NDST4: variants seen among roughly 807,000 people sequenced by gnomAD.
NDST4 encodes N-deacetylase and N-sulfotransferase 4.
NDST4 carries 63 observed loss-of-function variants against 100.8 expected under a neutral mutation model. The ratio of observed to expected loss-of-function variants is 0.62; its 90% CI spans 0.51 to 0.77. The LOEUF is 0.77. NDST4 is among the 30% of genes least tolerant of loss of function. The pLI is 0.00. For synonymous variants in NDST4, 377 were observed against 361.8 expected (o/e 1.04, Z -0.48); for missense variants, 943 against 1,018.4 (o/e 0.93, Z 1.01).
intron 2 of NDST4, among the ~76,000 whole-genome samples, chr4:114,979,828 T>G (rs1726725591): frequency 6.6e-6 from 1 of 152,040 alleles, no homozygotes; most frequent in South Asian, 2.1e-4. Flanking sequence ...TGACAAATTC[T>G]ATAAGTAAAA....
At position 114,833,565 on chromosome 4, in the gene NDST4, G is replaced by T. The variant is rs75080523; in HGVS notation, c.2396+41C>A. 3,414 of 1,308,114 alleles carry T rather than the reference G, an allele frequency of 2.6e-3. 82 individuals are homozygous for T. In the African/African-American group the frequency reaches 0.045, roughly 17 times the overall value. The allele number at this position is 1,308,114 out of a possible 1,614,324, so 81.0% of individuals were successfully genotyped here. A position where few individuals can be genotyped will look rare whatever the true frequency, so the allele number is the denominator to read the frequency against. ...CACCTACCAGTGATAATTTATGATG[G>T]CAAATAATGGAAATGAAATCAAGCA... On this transcript the variant is annotated intron_variant, in intron 12 of 13. Coordinates refer to ENST00000264363, the MANE Select transcript of NDST4 (RefSeq NM_022569.3).
At chr4:114,952,330 A>G (rs922494183) in intron 4 of NDST4, among the ~76,000 whole-genome samples, 4 of 152,104 alleles carry the variant, frequency 2.6e-5, no homozygotes, top group Admixed American at 2.0e-4. Flanking sequence ...GTGTTCAGAA[A>G]CAAAACAGCT....
At chr4:114,978,651 C>A (rs943966355) in intron 2 of NDST4, among the ~76,000 whole-genome samples, 2 of 151,924 alleles carry the variant, frequency 1.3e-5, no homozygotes, top group Admixed American at 6.6e-5. Flanking sequence ...TGGAATACAG[C>A]CTTAAAATAA....
intron 4 of NDST4, among the ~76,000 whole-genome samples, chr4:114,959,394 A>G (rs1426825846): frequency 1.3e-5 from 2 of 152,326 alleles, no homozygotes; most frequent in Non-Finnish European, 2.9e-5. Context: ...ATTTGTAAAG[A>G]AAAAGAGGTT....
chr4:115,085,280 C>A (rs531931418), intron 1 of NDST4, among the ~76,000 whole-genome samples: 1 of 152,278 alleles, frequency 6.6e-6, no homozygotes, highest in South Asian at 2.1e-4. Context: ...AAGTACTTAA[C>A]TTACTTTTGA....
At chr4:114,986,795 T>TAC (rs1220923808) in intron 2 of NDST4, among the ~76,000 whole-genome samples, 981 of 16,268 alleles carry the variant, frequency 0.06, 47 homozygotes, top group South Asian at 0.18. Flanking sequence ...CAATTATACA[T>TAC]ATATATATAT....
intron 7 of NDST4, among the ~76,000 whole-genome samples, chr4:114,858,138 C>T (rs1026542943): frequency 4.6e-5 from 7 of 152,178 alleles, no homozygotes; most frequent in Non-Finnish European, 1.5e-5. Flanking sequence ...ACTGCCAGTG[C>T]TGAATATCTG....
intron 6 of NDST4, among the ~76,000 whole-genome samples, chr4:114,901,990 T>C (rs779663198): frequency 4.9e-4 from 74 of 152,190 alleles, no homozygotes; most frequent in South Asian, 1.0e-3. Context: ...GTTTGTGTTA[T>C]TTCAGTCATT....
intron 6 of NDST4, among the ~76,000 whole-genome samples, chr4:114,873,092 T>A (rs1724184797): frequency 6.6e-6 from 1 of 151,900 alleles, no homozygotes; most frequent in Non-Finnish European, 1.5e-5. Flanking sequence ...TGAAAGCTTT[T>A]AAGACAATGA....
chr4:114,952,276 T>C (rs1276438221), intron 4 of NDST4, among the ~76,000 whole-genome samples: 1 of 152,164 alleles, frequency 6.6e-6, no homozygotes, highest in Non-Finnish European at 1.5e-5. Context: ...TGCTTGATAC[T>C]GAAGTGTATT....
chr4:114,946,949 A>C (rs80258986), intron 4 of NDST4, among the ~76,000 whole-genome samples: 2,263 of 152,208 alleles, frequency 0.015, 65 homozygotes, highest in African/African-American at 0.051. Context: ...GTAATAACAG[A>C]AGTATGTGAA....
At chr4:114,912,677 A>G (rs956706336) in intron 6 of NDST4, among the ~76,000 whole-genome samples, 1 of 152,180 alleles carries the variant, frequency 6.6e-6, no homozygotes, top group African/African-American at 2.4e-5. Context: ...AAGTGGTCAC[A>G]ATTCTCTTAT....
chr4:114,879,067 T>C (rs537591941), intron 6 of NDST4, among the ~76,000 whole-genome samples: 4 of 152,244 alleles, frequency 2.6e-5, no homozygotes, highest in African/African-American at 9.6e-5. Context: ...AATAATTGTA[T>C]ATATTTATGA....
chr4:115,030,109 G>C (rs1481411270), intron 2 of NDST4, among the ~76,000 whole-genome samples: 1 of 152,096 alleles, frequency 6.6e-6, no homozygotes, highest in African/African-American at 2.4e-5. Context: ...GAGAATTCAT[G>C]AGCTACAGTG....
intron 2 of NDST4, among the ~76,000 whole-genome samples, chr4:114,980,139 A>ATGGATATAATT (rs1397298240): frequency 6.6e-6 from 1 of 152,194 alleles, no homozygotes; most frequent in Non-Finnish European, 1.5e-5. Flanking sequence ...CAAAAATAAT[A>ATGGATATAATT]TGGATATAAA....
rs1726659096 is a variant in NDST4 at position 114,977,216 on chromosome 4, A to G, written c.1037T>C (p.Leu346Pro). ...RTQVANFTFN[L>P]GFSGKFYHTG... The stretch of plus-strand genomic sequence containing the variant: ...GTGGTAAAACTTCCCTGAAAATCCA[A>G]GGTTGAAGGTAAAATTTGCAACCTG... The change falls in exon 3 of 14, where the codon CTT (leucine) becomes CCT (proline). Residue 346 changes from leucine (L) to proline (P), a missense_variant. Physicochemically the swap from Leu to Pro is moderately conservative, Grantham distance 98 (BLOSUM62 -3). Transcript: ENST00000264363. 6.2e-7 allele frequency: 1 copy of G among 1,610,292 alleles called. No individual in the cohort carries two copies. Among genetic ancestry groups the G allele is most frequent in the Non-Finnish European group, 8.5e-7 (1 of 1,177,676 alleles).
At chr4:114,935,005 A>G (rs964930832) in intron 6 of NDST4, 2 of 301,436 alleles carry the variant, frequency 6.6e-6, no homozygotes, top group African/African-American at 4.3e-5. Context: ...AAAAACCATG[A>G]CTTTGTAATG....
intron 1 of NDST4, among the ~76,000 whole-genome samples, chr4:115,109,281 T>G (rs1729894330): frequency 6.6e-6 from 1 of 151,910 alleles, no homozygotes; most frequent in Non-Finnish European, 1.5e-5. Flanking sequence ...TCTGTGTAGT[T>G]ATAGTTGACG....
chr4:114,907,028 GA>G, intron 6 of NDST4, among the ~76,000 whole-genome samples: 1 of 152,144 alleles, frequency 6.6e-6, no homozygotes, highest in Middle Eastern at 3.4e-3. Flanking sequence ...AATCTAGTGG[GA>G]AAGTACATTA....
Sources: allele counts gnomAD v4.1 joint callset (sites outside exome capture counted in the v4.1 genomes callset), GRCh38; gene constraint gnomAD v4.1.1; transcripts MANE v1.5; gene names NCBI Gene and HGNC (gene_info 2026-07-23, HGNC 2026-07-21).